Variants in DLG2 observed in about 807,000 individuals in gnomAD.
The protein encoded by DLG2 is disks large homolog 2.
A neutral mutation model predicts 132.5 loss-of-function variants in DLG2; 45 were observed. The ratio of observed to expected loss-of-function variants is 0.34; its 90% CI spans 0.27 to 0.44. The LOEUF (loss-of-function observed/expected upper bound fraction) is 0.44, where lower values mean the gene tolerates loss of function less well. Among genes scored for constraint, DLG2 ranks in the 20% least tolerant of loss-of-function variants. The probability of loss-of-function intolerance (pLI) is 1.00; values close to 1 mark genes in which losing one functional copy is unlikely to be tolerated. For synonymous variants in DLG2, 424 were observed against 419.6 expected (o/e 1.01, Z -0.13); for missense variants, 1,045 against 1,196.9 (o/e 0.87, Z 1.87).
intron 6 of DLG2, among the ~76,000 whole-genome samples, chr11:85,058,188 G>A (rs2063663279): frequency 6.6e-6 from 1 of 151,382 alleles, no homozygotes; most frequent in African/African-American, 2.4e-5. Context: ...AAATGTAAGT[G>A]AATTTAGCAA....
chr11:84,042,236 T>C (rs1454774876), intron 11 of DLG2, among the ~76,000 whole-genome samples: 1 of 151,916 alleles, frequency 6.6e-6, no homozygotes, highest in Non-Finnish European at 1.5e-5. Flanking sequence ...TATTATAAAC[T>C]AAATTCCTTT....
chr11:83,641,331 G>C (rs903076132), intron 18 of DLG2, among the ~76,000 whole-genome samples: 1 of 152,166 alleles, frequency 6.6e-6, no homozygotes, highest in Non-Finnish European at 1.5e-5. Context: ...ATTAGCCATA[G>C]AACACTATTT....
At chr11:84,951,489 A>C (rs1027155867) in intron 6 of DLG2, among the ~76,000 whole-genome samples, 4 of 152,188 alleles carry the variant, frequency 2.6e-5, no homozygotes, top group African/African-American at 9.6e-5. Flanking sequence ...ATAAACAGAA[A>C]TAAAATGTTT....
chr11:85,027,021 T>C (rs550321986), intron 6 of DLG2, among the ~76,000 whole-genome samples: 2 of 152,016 alleles, frequency 1.3e-5, no homozygotes, highest in Non-Finnish European at 2.9e-5. Context: ...TACTTATTAA[T>C]AGATAAATGG....
intron 18 of DLG2, among the ~76,000 whole-genome samples, chr11:83,690,829 T>C (rs1214674573): frequency 1.3e-5 from 2 of 152,204 alleles, no homozygotes; most frequent in African/African-American, 4.8e-5. Flanking sequence ...TGTATGAAAC[T>C]TTTATATAAA....
At position 84,510,757 on chromosome 11, in the gene DLG2, C is replaced by T. The variant is rs2099254961; in HGVS notation, c.519+23813G>A. 3.3e-5 allele frequency among the ~76,000 whole-genome samples: 5 copies of T among 152,074 alleles called. No homozygotes were observed. The South Asian group carries it at 1.0e-3, about 31-fold the overall frequency. Reference sequence around the variant, plus strand: ...TTATTCATCTTTTATTCTCTATGGCCTTACATAATGGGAATTGTATTGAGT... The same window carrying T: ...TTATTCATCTTTTATTCTCTATGGCTTTACATAATGGGAATTGTATTGAGT... On this transcript the variant is annotated intron_variant, in intron 7 of 27. Coordinates refer to ENST00000376104, the MANE Select transcript of DLG2 (RefSeq NM_001142699.3).
intron 14 of DLG2, among the ~76,000 whole-genome samples, chr11:83,953,425 G>A (rs767601321): frequency 3.3e-5 from 5 of 152,140 alleles, no homozygotes; most frequent in African/African-American, 7.2e-5. Context: ...GATCTAGGTC[G>A]CATGCTCTTT....
intron 3 of DLG2, among the ~76,000 whole-genome samples, chr11:85,394,293 A>G (rs1429087252): frequency 6.6e-6 from 1 of 152,230 alleles, no homozygotes; most frequent in Non-Finnish European, 1.5e-5. Flanking sequence ...TACACCATAA[A>G]TATATTTCAT....
At chr11:84,856,718 T>A (rs1288405805) in intron 6 of DLG2, among the ~76,000 whole-genome samples, 1 of 151,948 alleles carries the variant, frequency 6.6e-6, no homozygotes, top group African/African-American at 2.4e-5. Flanking sequence ...CCTTCAAAGG[T>A]TTCCTGCTCC....
chr11:85,389,764 C>T (rs948016586), intron 3 of DLG2, among the ~76,000 whole-genome samples: 1 of 152,064 alleles, frequency 6.6e-6, no homozygotes, highest in Admixed American at 6.6e-5. Flanking sequence ...AGAAACTAAG[C>T]TTCATAAATG....
At chr11:84,374,896 C>T (rs1252858996) in intron 7 of DLG2, among the ~76,000 whole-genome samples, 1 of 152,130 alleles carries the variant, frequency 6.6e-6, no homozygotes, top group East Asian at 1.9e-4. Context: ...CTCTCATGCA[C>T]CCCCTACTCC....
chr11:84,933,802 T>C (rs1420328860), intron 6 of DLG2, among the ~76,000 whole-genome samples: 2 of 152,236 alleles, frequency 1.3e-5, no homozygotes, highest in Non-Finnish European at 2.9e-5. Flanking sequence ...TCATGTCATC[T>C]GCAAATAGAA....
chr11:83,622,017 C>T (rs992992773), intron 19 of DLG2, among the ~76,000 whole-genome samples: 3 of 152,138 alleles, frequency 2.0e-5, no homozygotes, highest in Non-Finnish European at 2.9e-5. Flanking sequence ...ATGGCTCAAG[C>T]GATTCTCCTG....
At chr11:84,113,461 A>G (rs1171839150) in intron 9 of DLG2, among the ~76,000 whole-genome samples, 2 of 152,226 alleles carry the variant, frequency 1.3e-5, no homozygotes, top group Admixed American at 6.5e-5. Flanking sequence ...GAAAACTAAT[A>G]AAGTGAGATT....
chr11:85,489,618 G>C (rs2093511503), intron 3 of DLG2, among the ~76,000 whole-genome samples: 1 of 152,120 alleles, frequency 6.6e-6, no homozygotes. Flanking sequence ...ATCAGCACAT[G>C]GAAGGTTCTC....
In DLG2 at chr11:84,934,515, G is replaced by GGTTTTTTT. The variant is rs1566441569; in HGVS notation, c.357+177145_357+177146insAAAAAAAC. Among the ~76,000 whole-genome samples, 33 of 40,502 alleles carry GGTTTTTTT rather than the reference G, an allele frequency of 8.1e-4. 1 individual carries two copies. The highest frequency in any genetic ancestry group is 3.6e-3 in the East Asian group (3 of 822). The allele number at this position is 40,502 out of a possible 152,430, so 26.6% of individuals were successfully genotyped here. ...GTATGGTCCTGGGTGTTTTTTTTTT[G>GGTTTTTTT]TTTTGTTTTGTTTTTTTTTTTTTTT... is the stretch of plus-strand genomic sequence containing the variant. On this transcript the variant is annotated intron_variant, in intron 6 of 27. Transcript: ENST00000376104.
intron 11 of DLG2, among the ~76,000 whole-genome samples, chr11:83,987,153 C>T (rs1161517000): frequency 3.3e-5 from 5 of 151,968 alleles, no homozygotes; most frequent in Admixed American, 1.3e-4. Flanking sequence ...CACGAAGGAC[C>T]TCTTCAAGGA....
chr11:85,086,036 C>A (rs1422484335), intron 6 of DLG2, among the ~76,000 whole-genome samples: 2 of 152,140 alleles, frequency 1.3e-5, no homozygotes, highest in Admixed American at 6.5e-5. Context: ...AAAACTTTTG[C>A]AGTTGACCTT....
intron 3 of DLG2, among the ~76,000 whole-genome samples, chr11:85,575,898 T>C (rs983315847): frequency 1.3e-5 from 2 of 152,206 alleles, no homozygotes; most frequent in South Asian, 2.1e-4. Context: ...CTTTAACATC[T>C]AGAACAGCAT....
Sources: allele counts gnomAD v4.1 joint callset (sites outside exome capture counted in the v4.1 genomes callset), GRCh38; gene constraint gnomAD v4.1.1; transcripts MANE v1.5; gene names NCBI Gene and HGNC (gene_info 2026-07-23, HGNC 2026-07-21).